FGF10: variants seen among roughly 807,000 people sequenced by gnomAD.
The protein encoded by FGF10 is fibroblast growth factor 10.
FGF10 carries 2 observed loss-of-function variants against 19.8 expected under a neutral mutation model. The ratio of observed to expected loss-of-function variants is 0.10; its 90% CI spans 0.04 to 0.32. The LOEUF is 0.32. Among genes scored for constraint, FGF10 ranks in the 10% least tolerant of loss-of-function variants. The probability of loss-of-function intolerance (pLI) is 1.00; values close to 1 mark genes in which losing one functional copy is unlikely to be tolerated. For missense variants in FGF10, 191 were observed against 246.3 expected (o/e 0.78, Z 1.50); for synonymous variants, 112 against 94.0 (o/e 1.19, Z -1.10).
chr5:44,345,098 A>T (rs1448040), intron 1 of FGF10, among the ~76,000 whole-genome samples: 81,938 of 151,630 alleles, frequency 0.54, 24,105 homozygotes, highest in Non-Finnish European at 0.67. Context: ...GTGACAAAAT[A>T]ATAAAATTTA....
intron 1 of FGF10, among the ~76,000 whole-genome samples, chr5:44,329,864 G>A (rs376130453): frequency 4.6e-5 from 7 of 152,062 alleles, no homozygotes; most frequent in Non-Finnish European, 7.4e-5. Flanking sequence ...GTGAATTTGC[G>A]CTAAATTCCT....
intron 1 of FGF10, among the ~76,000 whole-genome samples, chr5:44,373,111 C>A (rs1741778838): frequency 6.6e-6 from 1 of 152,148 alleles, no homozygotes; most frequent in Non-Finnish European, 1.5e-5. Flanking sequence ...TCTGCTGATA[C>A]AACATTCTCA....
intron 2 of FGF10, among the ~76,000 whole-genome samples, chr5:44,307,259 G>A (rs1740100391): frequency 6.6e-6 from 1 of 152,114 alleles, no homozygotes; most frequent in African/African-American, 2.4e-5. Flanking sequence ...AATATATGTT[G>A]TTGACAGGAT....
intron 1 of FGF10, among the ~76,000 whole-genome samples, chr5:44,358,123 T>C (rs372661892): frequency 5.7e-4 from 87 of 151,634 alleles, no homozygotes; most frequent in Non-Finnish European, 1.1e-3. Flanking sequence ...AAGAACATTA[T>C]GGTTAATTGA....
At chr5:44,375,249 A>G (rs1263656971) in intron 1 of FGF10, among the ~76,000 whole-genome samples, 1 of 152,200 alleles carries the variant, frequency 6.6e-6, no homozygotes. Context: ...TTTATGAGGA[A>G]ACTAGATGGG....
intron 1 of FGF10, among the ~76,000 whole-genome samples, chr5:44,354,252 G>A (rs1741296208): frequency 6.6e-6 from 1 of 151,204 alleles, no homozygotes; most frequent in African/African-American, 2.4e-5. Flanking sequence ...ACACTCATGT[G>A]TTCTTACTAA....
chr5:44,330,535 A>G (rs1174454494), intron 1 of FGF10, among the ~76,000 whole-genome samples: 6 of 152,228 alleles, frequency 3.9e-5, no homozygotes, highest in Non-Finnish European at 8.8e-5. Flanking sequence ...AGATATAAAC[A>G]TGAGTGTGTC....
chr5:44,318,241 G>C (rs1740401310), intron 1 of FGF10, among the ~76,000 whole-genome samples: 1 of 152,158 alleles, frequency 6.6e-6, no homozygotes, highest in African/African-American at 2.4e-5. Flanking sequence ...CGTTAGAAAA[G>C]TCCTGCACAA....
At chr5:44,378,563 C>G (rs970859958) in intron 1 of FGF10, among the ~76,000 whole-genome samples, 5 of 152,158 alleles carry the variant, frequency 3.3e-5, no homozygotes, top group African/African-American at 1.2e-4. Flanking sequence ...TCCCCAGTAG[C>G]TGGGACCACA....
At chr5:44,322,458 C>T (rs1740517558) in intron 1 of FGF10, among the ~76,000 whole-genome samples, 1 of 152,096 alleles carries the variant, frequency 6.6e-6, no homozygotes, top group African/African-American at 2.4e-5. Context: ...CTTTCAAAAG[C>T]ATTTGAGTAT....
chr5:44,375,660 G>T (rs1035926146), intron 1 of FGF10, among the ~76,000 whole-genome samples: 1 of 152,128 alleles, frequency 6.6e-6, no homozygotes, highest in Non-Finnish European at 1.5e-5. Flanking sequence ...GAGGGAACTA[G>T]CTTGTGTGGA....
intron 1 of FGF10, among the ~76,000 whole-genome samples, chr5:44,359,538 T>C (rs1215771138): frequency 6.6e-6 from 1 of 151,412 alleles, no homozygotes; most frequent in Non-Finnish European, 1.5e-5. Context: ...CAGTGGACTT[T>C]TCAGTCTAAT....
intron 1 of FGF10, among the ~76,000 whole-genome samples, chr5:44,320,387 A>G (rs1460695066): frequency 1.3e-5 from 2 of 152,180 alleles, no homozygotes; most frequent in Admixed American, 6.5e-5. Context: ...CAGTTTTGGT[A>G]AGCCCTCAAG....
rs375173854 is a variant in FGF10 at position 44,323,199 on chromosome 5, G to T, written c.326-12669C>A. Among the ~76,000 whole-genome samples, 155 of 152,126 alleles carry T rather than the reference G, an allele frequency of 1.0e-3. 3 individuals carry two copies. The highest frequency in any genetic ancestry group is 3.5e-3 in the African/African-American group (147 of 41,538). ...CCACAACTCACACTTGGCAAAGAAAGAAAACAGAACCCATAGGTTGGAAAT... is the reference window on the plus strand; with the variant it reads ...CCACAACTCACACTTGGCAAAGAAATAAAACAGAACCCATAGGTTGGAAAT... On this transcript the variant is annotated intron_variant, in intron 1 of 2. Transcript: ENST00000264664.
intron 2 of FGF10, among the ~76,000 whole-genome samples, chr5:44,307,438 T>G (rs1740104356): frequency 6.6e-6 from 1 of 152,180 alleles, no homozygotes; most frequent in Non-Finnish European, 1.5e-5. Flanking sequence ...TCTATTTAAT[T>G]CAGTTTTATA....
intron 1 of FGF10, among the ~76,000 whole-genome samples, chr5:44,371,980 C>G (rs1245396514): frequency 1.3e-5 from 2 of 152,112 alleles, no homozygotes; most frequent in African/African-American, 4.8e-5. Flanking sequence ...TCAAATTATC[C>G]TTAATTTGGG....
chr5:44,328,884 G>T (rs959503375), intron 1 of FGF10, among the ~76,000 whole-genome samples: 4 of 152,188 alleles, frequency 2.6e-5, no homozygotes, highest in Admixed American at 1.3e-4. Context: ...TGTAGTTGCA[G>T]CTACTGAGGA....
chr5:44,313,469 A>C (rs1304179260), intron 1 of FGF10, among the ~76,000 whole-genome samples: 1 of 152,088 alleles, frequency 6.6e-6, no homozygotes, highest in Non-Finnish European at 1.5e-5. Context: ...AATCAAAACT[A>C]AATGCCAGTT....
At position 44,345,280 on chromosome 5, in the gene FGF10, AC is replaced by A. The variant is rs1741062772; in HGVS notation, c.326-34751del. ...AAATGGGAAGACTTGATTTGAAGAT[AC>A]CTTGAGGAAAAAAATCAGTAAAATA... On this transcript the variant is annotated intron_variant, in intron 1 of 2. Coordinates refer to ENST00000264664, the MANE Select transcript of FGF10 (RefSeq NM_004465.2). 2.0e-5 allele frequency among the ~76,000 whole-genome samples: 3 copies of A among 151,994 alleles called. No homozygotes were observed. The South Asian group carries it at 6.2e-4, about 31-fold the overall frequency.
Sources: gnomAD v4.1 joint callset for allele counts (sites outside exome capture counted in the v4.1 genomes callset) on GRCh38, gnomAD v4.1.1 for gene constraint, MANE v1.5 for transcripts, NCBI Gene and HGNC (gene_info 2026-07-23, HGNC 2026-07-21) for gene names.